Variants in MBD5 observed in about 807,000 individuals in gnomAD.
MBD5 encodes methyl-CpG binding domain protein 5.
Under a neutral mutation model 117.3 loss-of-function variants are expected in MBD5, and 13 were observed. The observed-to-expected ratio is 0.11, with a 90% CI of 0.07 to 0.18. The LOEUF is 0.18. MBD5 is among the 10% of genes least tolerant of loss of function. The probability of loss-of-function intolerance (pLI) is 1.00; values close to 1 mark genes in which losing one functional copy is unlikely to be tolerated. For missense variants in MBD5, 1,879 were observed against 2,093.8 expected (o/e 0.90, Z 2.00); for synonymous variants, 727 against 766.4 (o/e 0.95, Z 0.85).
At chr2:148,102,763 A>AGAGAG (rs1558926614) in intron 1 of MBD5, among the ~76,000 whole-genome samples, 1 of 35,608 alleles carries the variant, frequency 2.8e-5, no homozygotes, top group African/African-American at 7.5e-5. Flanking sequence ...GAGAGAGAGG[A>AGAGAG]AGAGAGAGAG....
chr2:148,043,300 T>C (rs922614334), intron 1 of MBD5, among the ~76,000 whole-genome samples: 1 of 150,476 alleles, frequency 6.6e-6, no homozygotes, highest in African/African-American at 2.4e-5. Context: ...AATAAATAAA[T>C]AAATTAGCCG....
intron 2 of MBD5, among the ~76,000 whole-genome samples, chr2:148,186,778 A>G (rs1441110013): frequency 6.6e-6 from 1 of 152,010 alleles, no homozygotes; most frequent in Non-Finnish European, 1.5e-5. Flanking sequence ...ATTATAAGAC[A>G]TGAAAAAGTA....
At chr2:148,176,765 G>A (rs192059368) in intron 1 of MBD5, among the ~76,000 whole-genome samples, 1 of 150,602 alleles carries the variant, frequency 6.6e-6, no homozygotes, top group Non-Finnish European at 1.5e-5. Flanking sequence ...TAGTAGTTAT[G>A]AGAGAGAGAG....
chr2:148,368,977 C>T (rs1703779086), intron 4 of MBD5, among the ~76,000 whole-genome samples: 1 of 151,748 alleles, frequency 6.6e-6, no homozygotes, highest in East Asian at 1.9e-4. Flanking sequence ...TCATAGTTAC[C>T]ACCACCAATA....
At chr2:148,399,550 T>G (rs1704848236) in intron 4 of MBD5, among the ~76,000 whole-genome samples, 1 of 152,198 alleles carries the variant, frequency 6.6e-6, no homozygotes, top group African/African-American at 2.4e-5. Context: ...AAGGAGATTT[T>G]GGGCTGAGAC....
intron 1 of MBD5, among the ~76,000 whole-genome samples, chr2:148,064,581 G>A (rs1423296033): frequency 6.6e-6 from 1 of 152,048 alleles, no homozygotes; most frequent in Non-Finnish European, 1.5e-5. Context: ...TTTCTTTGAG[G>A]CAAACCGATT....
chr2:148,242,637 C>T (rs747447878), intron 3 of MBD5, among the ~76,000 whole-genome samples: 15 of 152,018 alleles, frequency 9.9e-5, no homozygotes, highest in African/African-American at 1.4e-4. Flanking sequence ...AGTGAGAAAC[C>T]AGGCCCAGTG....
At chr2:148,449,048 T>C (rs762244671) in intron 4 of MBD5, among the ~76,000 whole-genome samples, 58 of 152,300 alleles carry the variant, frequency 3.8e-4, no homozygotes, top group Non-Finnish European at 7.1e-4. Context: ...AGAATTATAG[T>C]GAGTTTATCG....
At chr2:148,497,909 G>A (rs1900299) in intron 11 of MBD5, among the ~76,000 whole-genome samples, 7 of 152,086 alleles carry the variant, frequency 4.6e-5, no homozygotes, top group Admixed American at 2.6e-4. Flanking sequence ...CTTCATGTTC[G>A]TGGTCATTTT....
At chr2:148,090,142 G>T (rs772219113) in intron 1 of MBD5, among the ~76,000 whole-genome samples, 21 of 151,892 alleles carry the variant, frequency 1.4e-4, no homozygotes, top group Admixed American at 5.9e-4. Context: ...TCAGGAAGAA[G>T]TAGAAACTCT....
At chr2:148,153,318 C>G (rs916854174) in intron 1 of MBD5, among the ~76,000 whole-genome samples, 1 of 152,108 alleles carries the variant, frequency 6.6e-6, no homozygotes, top group Admixed American at 6.5e-5. Flanking sequence ...CACTGTTAGT[C>G]TGATGGGCTT....
chr2:148,044,378 T>C (rs1694457252), intron 1 of MBD5: 1 of 152,208 alleles, frequency 6.6e-6, no homozygotes. Flanking sequence ...CAGAAACATT[T>C]TTATACCATG....
intron 2 of MBD5, among the ~76,000 whole-genome samples, chr2:148,179,310 G>C (rs1052743164): frequency 3.4e-5 from 5 of 148,000 alleles, no homozygotes; most frequent in African/African-American, 1.3e-4. Context: ...AGCCGAGATC[G>C]CACCACTGCA....
chr2:148,504,056 T>A (rs1681951781), intron 12 of MBD5, among the ~76,000 whole-genome samples: 1 of 152,234 alleles, frequency 6.6e-6, no homozygotes, highest in Non-Finnish European at 1.5e-5. Context: ...ATTTTCCCCA[T>A]GTATTTGCTA....
rs2105295194 is a variant in MBD5, at chr2:148,512,916, C to T, written c.5159C>T (p.Pro1720Leu). The T allele has an allele frequency of 6.2e-7, 1 of 1,613,894 alleles. No homozygotes were observed. The highest frequency in any genetic ancestry group is 8.5e-7 in the Non-Finnish European group (1 of 1,179,854). The change falls in exon 14 of 14, where the codon CCC becomes CTC. Residue 1720 changes from proline to leucine, a missense_variant. By Grantham distance (98) the Pro-to-Leu change is moderately conservative (BLOSUM62 -3). Around this residue, in one of 4 missense-constraint regions of MBD5, gnomAD observed 135 missense variants for 148.0 expected, o/e 0.91. Coordinates refer to ENST00000642680, the MANE Select transcript of MBD5 (RefSeq NM_001378120.1). ...GACAGACAAATGAGACCCCCCAAAC[C>T]CAAGAGGAGGAAGATCTCCAGATAA... Reference protein sequence around the residue: ...QGDRQMRPPKPKRRKISR With the variant: ...QGDRQMRPPKLKRRKISR
intron 11 of MBD5, among the ~76,000 whole-genome samples, chr2:148,490,976 G>A (rs1009387003): frequency 1.3e-5 from 2 of 152,210 alleles, no homozygotes; most frequent in African/African-American, 4.8e-5. Flanking sequence ...GGAGGTCCAG[G>A]AGTGTGGCAG....
intron 1 of MBD5, among the ~76,000 whole-genome samples, chr2:148,144,269 C>T (rs1200213792): frequency 1.3e-5 from 2 of 151,766 alleles, no homozygotes; most frequent in Admixed American, 6.6e-5. Context: ...CTGTTCATAT[C>T]CTTTGCCCAC....
chr2:148,393,818 C>T (rs1303972901), intron 4 of MBD5, among the ~76,000 whole-genome samples: 5 of 152,156 alleles, frequency 3.3e-5, no homozygotes, highest in African/African-American at 1.2e-4. Flanking sequence ...TTGGTGTTCA[C>T]ATTCAACTCT....
chr2:148,042,529 T>A (rs1278338711), intron 1 of MBD5, among the ~76,000 whole-genome samples: 5 of 152,102 alleles, frequency 3.3e-5, no homozygotes, highest in African/African-American at 1.2e-4. Context: ...CAACAGTTTT[T>A]AAAATTTACC....
Sources: allele counts gnomAD v4.1 joint callset (sites outside exome capture counted in the v4.1 genomes callset), GRCh38; gene constraint gnomAD v4.1.1; regional missense constraint gnomAD v4.1.1; transcripts MANE v1.5; gene names NCBI Gene and HGNC (gene_info 2026-07-23, HGNC 2026-07-21).